The following SH3PXD2B variants were observed in gnomAD, a reference collection of about 807,000 sequenced individuals.
SH3PXD2B encodes SH3 and PX domain-containing protein 2B.
Under a neutral mutation model 73.1 loss-of-function variants are expected in SH3PXD2B, and 37 were observed. The ratio of observed to expected loss-of-function variants is 0.51; its 90% CI spans 0.39 to 0.67. The LOEUF is 0.67. Ranked by LOEUF, SH3PXD2B falls within the 30% of genes least tolerant of loss-of-function variation. The probability of loss-of-function intolerance (pLI) is 0.00; values close to 1 mark genes in which losing one functional copy is unlikely to be tolerated. For synonymous variants in SH3PXD2B, 457 were observed against 480.5 expected, an observed-to-expected ratio of 0.95 and a Z score of 0.64; for missense variants, 1,053 against 1,197.8, an observed-to-expected ratio of 0.88 and a Z score of 1.78.
intron 1 of SH3PXD2B, among the ~76,000 whole-genome samples, chr5:172,431,401 G>A (rs1424003548): frequency 6.6e-6 from 1 of 152,276 alleles, no homozygotes; most frequent in Non-Finnish European, 1.5e-5. Flanking sequence ...GGGAGAGCCT[G>A]GCTTGGCTTC....
intron 6 of SH3PXD2B, among the ~76,000 whole-genome samples, chr5:172,369,091 C>T (rs183752767): frequency 0.038 from 5,765 of 150,854 alleles, 203 homozygotes; most frequent in South Asian, 0.2. Flanking sequence ...GACAGGGTTT[C>T]GCCATGCTTG....
At chr5:172,448,320 T>C (rs10055100) in intron 1 of SH3PXD2B, among the ~76,000 whole-genome samples, 5,794 of 152,284 alleles carry the variant, frequency 0.038, 350 homozygotes, top group African/African-American at 0.12. Flanking sequence ...TTATCATCAA[T>C]AGTACTTTTC....
At chr5:172,429,119 G>C (rs984889355) in intron 1 of SH3PXD2B, among the ~76,000 whole-genome samples, 2 of 152,240 alleles carry the variant, frequency 1.3e-5, no homozygotes, top group African/African-American at 4.8e-5. Flanking sequence ...ACTGGGCAGG[G>C]TGGAAAAATC....
chr5:172,336,163 T>G lies in SH3PXD2B; in HGVS notation c.*2206A>C. 6 of 986,142 alleles carry G rather than the reference T, an allele frequency of 6.1e-6. No individual in the cohort carries two copies. The highest frequency in any genetic ancestry group is 7.2e-6 in the Non-Finnish European group (6 of 830,456). The allele number at this position is 986,142 out of a possible 1,614,324, so 61.1% of individuals were successfully genotyped here. A position where few individuals can be genotyped will look rare whatever the true frequency, so the allele number is the denominator to read the frequency against. The stretch of plus-strand genomic sequence containing the variant: ...ACAGAGTAGACACTCACAAAGTATC[T>G]GAAAGCGTCGCTGAAAGGCAAAGAG... On this transcript the variant is annotated 3_prime_UTR_variant, in exon 13 of 13. Coordinates refer to ENST00000311601, the MANE Select transcript of SH3PXD2B (RefSeq NM_001017995.3).
At chr5:172,340,263 G>A (rs1331747006) in intron 12 of SH3PXD2B, among the ~76,000 whole-genome samples, 2 of 152,200 alleles carry the variant, frequency 1.3e-5, no homozygotes, top group Non-Finnish European at 2.9e-5. Context: ...GTTATTGCTC[G>A]GGGCCATGGG....
Position 172,353,623 on chromosome 5 carries a change from C to T in SH3PXD2B, c.785+265G>A, listed in dbSNP as rs1297387289. Reference sequence around the variant, plus strand: ...TATGAGAAACATCTGGAGGTGGAAACCAGCCTTGCTTAATGGGGTTGCTGC... The same window carrying T: ...TATGAGAAACATCTGGAGGTGGAAATCAGCCTTGCTTAATGGGGTTGCTGC... On this transcript the variant is annotated intron_variant, in intron 9 of 12. Coordinates refer to ENST00000311601, the MANE Select transcript of SH3PXD2B (RefSeq NM_001017995.3). The surrounding 1 kb of genome is among the most constrained non-coding windows in gnomAD (Gnocchi z 4.3). 1.3e-5 allele frequency among the ~76,000 whole-genome samples: 2 copies of T among 152,162 alleles called. No homozygotes were observed. Among genetic ancestry groups the T allele is most frequent in the South Asian group, 2.1e-4 (1 of 4,826 alleles).
In SH3PXD2B at chr5:172,447,422, T is replaced by C. The variant is rs78159529; in HGVS notation, c.75+6856A>G. On this transcript the variant is annotated intron_variant, in intron 1 of 12. Transcript: ENST00000311601. ...ATAGCACGTTTTATCTTTGCATCTC[T>C]ACTGATGCACTTTTAAGTAGTTACC... Among the ~76,000 whole-genome samples, 1,139 of 152,348 alleles carry C rather than the reference T, an allele frequency of 7.5e-3. 6 individuals carry two copies. The highest frequency in any genetic ancestry group is 0.025 in the African/African-American group (1,057 of 41,570).
At chr5:172,448,168 C>T (rs1300610615) in intron 1 of SH3PXD2B, among the ~76,000 whole-genome samples, 1 of 152,178 alleles carries the variant, frequency 6.6e-6, no homozygotes, top group Non-Finnish European at 1.5e-5. Flanking sequence ...TCCCGGGGGC[C>T]TATCCCAGCA....
At chr5:172,360,261 C>A (rs936834685) in intron 7 of SH3PXD2B, among the ~76,000 whole-genome samples, 5 of 152,160 alleles carry the variant, frequency 3.3e-5, no homozygotes, top group Non-Finnish European at 7.3e-5. Flanking sequence ...GATACTGTCC[C>A]AAGTGCTGCA....
At chr5:172,352,629 G>T (rs375898913) in intron 9 of SH3PXD2B, among the ~76,000 whole-genome samples, 1 of 152,206 alleles carries the variant, frequency 6.6e-6, no homozygotes, top group Admixed American at 6.5e-5. Flanking sequence ...TCAGGCGGAG[G>T]TAACTGAATC....
At position 172,347,495 on chromosome 5, in the gene SH3PXD2B, C is replaced by T. The variant is rs191157041; in HGVS notation, c.1013-163G>A. 3.0e-4 allele frequency among the ~76,000 whole-genome samples: 46 copies of T among 152,264 alleles called. No individual in the cohort carries two copies. In the East Asian group the frequency reaches 6.2e-3, roughly 20 times the overall value. ...AGCCTGGGCAGGAAGGAGCTGCTCACGCGTGGCTCATAGTTGGCTCAGGAC... is the reference window on the plus strand; with the variant it reads ...AGCCTGGGCAGGAAGGAGCTGCTCATGCGTGGCTCATAGTTGGCTCAGGAC... On this transcript the variant is annotated intron_variant, in intron 10 of 12. Coordinates refer to ENST00000311601, the MANE Select transcript of SH3PXD2B (RefSeq NM_001017995.3).
chr5:172,445,295 A>G lies in SH3PXD2B; in HGVS notation c.75+8983T>C, dbSNP rs1052886302. ...GCAAACATGGCTCACTGCAGCCTCC[A>G]TCTCCTGGGCTCAAGCGATCTTCCT... On this transcript the variant is annotated intron_variant, in intron 1 of 12. Coordinates refer to ENST00000311601, the MANE Select transcript of SH3PXD2B (RefSeq NM_001017995.3). This position sits in a 1 kb window ranked among gnomAD's most constrained non-coding sequence, Gnocchi z 5.2. 2.6e-5 allele frequency among the ~76,000 whole-genome samples: 4 copies of G among 152,176 alleles called. No homozygotes were observed. The highest frequency in any genetic ancestry group is 9.6e-5 in the African/African-American group (4 of 41,454).
chr5:172,453,551 C>CA (rs1032631292), intron 1 of SH3PXD2B, among the ~76,000 whole-genome samples: 5 of 152,198 alleles, frequency 3.3e-5, no homozygotes, highest in Non-Finnish European at 2.9e-5. Context: ...CCAGGACCTG[C>CA]AACCTCTGAG....
At position 172,338,397 on chromosome 5, in the gene SH3PXD2B, G is replaced by A. The variant is rs1756753611; in HGVS notation, c.2708C>T (p.Pro903Leu). The change falls in exon 13 of 13, where the codon CCT becomes CTT. Residue 903 changes from proline (P) to leucine (L), a missense_variant. Transcript: ENST00000311601. The surrounding 1 kb of genome is among the most constrained non-coding windows in gnomAD (Gnocchi z 5.1). ...SGAPSWEGWI[P>L]SNYLRKKP ...CGGCTTCTTTCTGAGATAGTTGGAA[G>A]GAATCCACCCTTCCCAGGAAGGGGC... The A allele has an allele frequency of 1.9e-6, 3 of 1,614,176 alleles. No individual in the cohort carries two copies. The highest frequency in any genetic ancestry group is 8.5e-7 in the Non-Finnish European group (1 of 1,180,046).
At chr5:172,415,913 C>T (rs1389433020) in intron 2 of SH3PXD2B, among the ~76,000 whole-genome samples, 1 of 152,220 alleles carries the variant, frequency 6.6e-6, no homozygotes, top group Non-Finnish European at 1.5e-5. Context: ...TATCCCATTT[C>T]CTGCACCCTC....
intron 11 of SH3PXD2B, 42 bp downstream of exon 11, chr5:172,347,241 C>A (rs757918615): frequency 6.2e-7 from 1 of 1,610,568 alleles, no homozygotes; most frequent in Admixed American, 1.7e-5. Context: ...CCTCACAGCC[C>A]TCAAGTCAGT....
At position 172,334,973 on chromosome 5, in the gene SH3PXD2B, G is replaced by C; in HGVS notation, c.*3396C>G. 1.0e-6 allele frequency: 1 copy of C among 985,422 alleles called. No homozygotes were observed. The highest frequency in any genetic ancestry group is 1.2e-6 in the Non-Finnish European group (1 of 829,948). The allele number at this position is 985,422 out of a possible 1,614,324, so 61.0% of individuals were successfully genotyped here. A position where few individuals can be genotyped will look rare whatever the true frequency, so the allele number is the denominator to read the frequency against. On this transcript the variant is annotated 3_prime_UTR_variant, in exon 13 of 13. Transcript: ENST00000311601. ...AAATGACTACCGTAACCTGGCATGG[G>C]CTCCAGCGATCCCCCAGTAGGGAAG...
chr5:172,328,101 C>T lies in SH3PXD2B; in HGVS notation c.1189-2721G>A, dbSNP rs115320657. On this transcript the variant is annotated intron_variant, in intron 12 of 12. Transcript: ENST00000519643. ...TTTTTATAGACATGGGATCTCGCTA[C>T]GTTGCCTAGTAGGCTGATTTTTTTT... Among the ~76,000 whole-genome samples, 667 of 141,214 alleles carry T rather than the reference C, an allele frequency of 4.7e-3. 7 individuals carry two copies. The highest frequency in any genetic ancestry group is 0.016 in the African/African-American group (630 of 38,256). The allele number at this position is 141,214 out of a possible 152,430, so 92.6% of individuals were successfully genotyped here.
chr5:172,358,906 T>C (rs1757340552), intron 7 of SH3PXD2B, 29 bp from the exon 8 acceptor site: 1 of 1,600,804 alleles, frequency 6.2e-7, no homozygotes. Flanking sequence ...AGAATGATGT[T>C]AGTTGCATCA....
Sources: gnomAD v4.1 joint callset for allele counts (sites outside exome capture counted in the v4.1 genomes callset) on GRCh38, gnomAD v4.1.1 for gene constraint, Gnocchi (gnomAD v3.1) non-coding constraint, MANE v1.5 for transcripts, NCBI Gene and HGNC (gene_info 2026-07-23, HGNC 2026-07-21) for gene names.